The following NRXN3 variants were observed in gnomAD, a reference collection of about 807,000 sequenced individuals.
NRXN3 encodes neurexin III.
NRXN3 carries 32 observed loss-of-function variants against 137.6 expected under a neutral mutation model. That is an observed-to-expected ratio of 0.23 (90% CI 0.18 to 0.31). The LOEUF is 0.31. NRXN3 is among the 10% of genes least tolerant of loss of function. NRXN3 has a pLI of 1.00. For missense variants in NRXN3, 1,574 were observed against 2,062.5 expected (o/e 0.76, Z 4.59); for synonymous variants, 798 against 784.5 (o/e 1.02, Z -0.29).
At chr14:78,672,984 A>G (rs529511061) in intron 6 of NRXN3, among the ~76,000 whole-genome samples, 2 of 152,116 alleles carry the variant, frequency 1.3e-5, no homozygotes, top group Non-Finnish European at 2.9e-5. Flanking sequence ...AAAATTGTGG[A>G]CTCTGATAAC....
At chr14:79,634,040 A>G (rs767842287) in intron 16 of NRXN3, among the ~76,000 whole-genome samples, 4 of 152,190 alleles carry the variant, frequency 2.6e-5, no homozygotes, top group Non-Finnish European at 4.4e-5. Flanking sequence ...TGTCCCTACA[A>G]CTTTTGCTAT....
chr14:78,278,011 C>T (rs1464080089), intron 2 of NRXN3, among the ~76,000 whole-genome samples: 1 of 152,204 alleles, frequency 6.6e-6, no homozygotes, highest in African/African-American at 2.4e-5. Flanking sequence ...TCTACTCACA[C>T]ACAATCTCAT....
chr14:78,688,547 T>C (rs1224838107), intron 6 of NRXN3, among the ~76,000 whole-genome samples: 2 of 152,100 alleles, frequency 1.3e-5, no homozygotes, highest in Non-Finnish European at 1.5e-5. Flanking sequence ...AAAATGGTCA[T>C]AGACAACTTT....
In NRXN3 at chr14:78,756,472, C is replaced by CAGCCTGGGTGACAG. The variant is rs548148750; in HGVS notation, c.2044+41344_2044+41357dup. 1.1e-3 allele frequency among the ~76,000 whole-genome samples: 170 copies of CAGCCTGGGTGACAG among 149,498 alleles called. 2 individuals carry two copies. The highest frequency in any genetic ancestry group is 6.1e-3 in the East Asian group (31 of 5,056). Reference sequence around the variant, plus strand: ...CACTGTACTTGGCTCTGTACAAGATCAGCCTGGGTGACAGAGCCTGGGTGG... The same window carrying CAGCCTGGGTGACAG: ...CACTGTACTTGGCTCTGTACAAGATCAGCCTGGGTGACAGAGCCTGGGTGACAGAGCCTGGGTGG... On this transcript the variant is annotated intron_variant, in intron 8 of 20. Coordinates refer to ENST00000335750, the MANE Select transcript of NRXN3 (RefSeq NM_001330195.2).
intron 7 of NRXN3, among the ~76,000 whole-genome samples, chr14:78,712,415 A>T (rs900034773): frequency 2.0e-5 from 3 of 152,246 alleles, no homozygotes; most frequent in African/African-American, 7.2e-5. Context: ...GAAAGATTGA[A>T]AAACAAAAGG....
intron 8 of NRXN3, among the ~76,000 whole-genome samples, chr14:78,741,275 C>CT (rs1226860464): frequency 6.6e-6 from 1 of 152,148 alleles, no homozygotes; most frequent in East Asian, 1.9e-4. Context: ...CCCTCTCCCT[C>CT]TTTTTTTGCT....
At chr14:78,595,052 T>C (rs2097147803) in intron 4 of NRXN3, among the ~76,000 whole-genome samples, 1 of 152,128 alleles carries the variant, frequency 6.6e-6, no homozygotes, top group South Asian at 2.1e-4. Context: ...AAGCTAACAT[T>C]GTAAAGGGAG....
intron 4 of NRXN3, among the ~76,000 whole-genome samples, chr14:78,643,254 G>A (rs2097653122): frequency 1.3e-5 from 2 of 152,214 alleles, no homozygotes; most frequent in African/African-American, 4.8e-5. Flanking sequence ...CTGAGTTGAA[G>A]TGGACTTGGC....
At chr14:78,301,349 G>A (rs1365825423) in intron 4 of NRXN3, among the ~76,000 whole-genome samples, 1 of 152,154 alleles carries the variant, frequency 6.6e-6, no homozygotes, top group Non-Finnish European at 1.5e-5. Context: ...AACTTACAAA[G>A]CCAGCCTTTT....
intron 19 of NRXN3, among the ~76,000 whole-genome samples, chr14:79,705,045 G>A (rs368074037): frequency 2.4e-4 from 37 of 152,228 alleles, no homozygotes; most frequent in African/African-American, 8.4e-4. Context: ...GAGGGCAGAC[G>A]AAGTGTGAAA....
intron 6 of NRXN3, among the ~76,000 whole-genome samples, chr14:78,671,514 C>T (rs2097934953): frequency 6.6e-6 from 1 of 152,068 alleles, no homozygotes; most frequent in Non-Finnish European, 1.5e-5. Flanking sequence ...ACATCAGCAT[C>T]ACACAATATA....
chr14:79,512,420 G>A (rs1276587565), intron 16 of NRXN3, among the ~76,000 whole-genome samples: 2 of 152,118 alleles, frequency 1.3e-5, no homozygotes, highest in East Asian at 3.9e-4. Context: ...AAAACTCACA[G>A]CACTGTGTCA....
chr14:78,487,200 G>T (rs2095575213), intron 4 of NRXN3, among the ~76,000 whole-genome samples: 1 of 151,324 alleles, frequency 6.6e-6, no homozygotes, highest in Non-Finnish European at 1.5e-5. Flanking sequence ...TTTTTTTTCT[G>T]TGTGGAATCT....
rs751864994 is a variant in NRXN3 at position 78,297,824 on chromosome 14, TC to T, written c.728-5del. 4.6e-6 allele frequency: 7 copies of T among 1,534,818 alleles called. No individual in the cohort carries two copies. The Admixed American group carries it at 9.8e-5, about 21-fold the overall frequency. On this transcript the variant is annotated splice_region_variant and splice_polypyrimidine_tract_variant and intron_variant, in intron 3 of 20. Coordinates refer to ENST00000335750, the MANE Select transcript of NRXN3 (RefSeq NM_001330195.2). ...CTCTTCCCTTTCTCCCTGTTTCTCT[TC>T]CTCAGGCCTCTCCCACCTCATGATG... is the stretch of plus-strand genomic sequence containing the variant.
At chr14:78,899,387 G>A (rs2099188350) in intron 10 of NRXN3, among the ~76,000 whole-genome samples, 1 of 151,922 alleles carries the variant, frequency 6.6e-6, no homozygotes, top group Non-Finnish European at 1.5e-5. Flanking sequence ...AGTTTCACCT[G>A]AGAAGATTTT....
chr14:79,287,044 AAAG>A (rs1258208671), intron 15 of NRXN3, among the ~76,000 whole-genome samples: 1 of 152,148 alleles, frequency 6.6e-6, no homozygotes, highest in Non-Finnish European at 1.5e-5. Flanking sequence ...TTCCTTGCAC[AAAG>A]AGGAGCTTCA....
intron 16 of NRXN3, among the ~76,000 whole-genome samples, chr14:79,659,808 T>A (rs2098524442): frequency 6.6e-6 from 1 of 152,310 alleles, no homozygotes; most frequent in East Asian, 1.9e-4. Flanking sequence ...CCATCGCTGT[T>A]ATTTGAACCA....
chr14:78,449,143 C>T (rs1229948093), intron 4 of NRXN3, among the ~76,000 whole-genome samples: 1 of 152,212 alleles, frequency 6.6e-6, no homozygotes, highest in Non-Finnish European at 1.5e-5. Flanking sequence ...ACTTCAGGAA[C>T]AGCACCTCTC....
intron 8 of NRXN3, among the ~76,000 whole-genome samples, chr14:78,750,823 C>T (rs1429449522): frequency 6.6e-6 from 1 of 152,140 alleles, no homozygotes; most frequent in Admixed American, 6.6e-5. Context: ...CTCTGAGGGC[C>T]AGAGGTCTCA....
Sources: gnomAD v4.1 joint callset for allele counts (sites outside exome capture counted in the v4.1 genomes callset) on GRCh38, gnomAD v4.1.1 for gene constraint, MANE v1.5 for transcripts, NCBI Gene and HGNC (gene_info 2026-07-23, HGNC 2026-07-21) for gene names.